TAFA5: variants seen among roughly 807,000 people sequenced by gnomAD.
The protein encoded by TAFA5 is TAFA chemokine like family member 5.
In TAFA5, 6 loss-of-function variants were observed where a neutral mutation model predicts 15.3. That is an observed-to-expected ratio of 0.39 (90% CI 0.21 to 0.77). TAFA5 has a LOEUF of 0.77. Ranked by LOEUF, TAFA5 falls within the 30% of genes least tolerant of loss-of-function variation. TAFA5 has a pLI of 0.41. For missense variants in TAFA5, 161 were observed against 193.1 expected, an observed-to-expected ratio of 0.83 and a Z score of 0.98; for synonymous variants, 103 against 80.7, an observed-to-expected ratio of 1.28 and a Z score of -1.48.
intron 3 of TAFA5, among the ~76,000 whole-genome samples, chr22:48,730,689 T>C (rs1929846321): frequency 6.6e-6 from 1 of 152,190 alleles, no homozygotes; most frequent in African/African-American, 2.4e-5. Flanking sequence ...TGAGGTTTGA[T>C]GTGACTATGG....
chr22:48,615,340 A>T (rs947951153), intron 1 of TAFA5, among the ~76,000 whole-genome samples: 1 of 152,220 alleles, frequency 6.6e-6, no homozygotes, highest in Admixed American at 6.5e-5. Context: ...CTTGTCCCCA[A>T]GCAAAGGGAA....
rs1928866029 is a variant in TAFA5 at position 48,700,355 on chromosome 22, C to T, written c.263-7362C>T. 2.0e-5 allele frequency among the ~76,000 whole-genome samples: 3 copies of T among 152,136 alleles called. No homozygotes were observed. In the South Asian group the frequency reaches 6.2e-4, roughly 31 times the overall value. Reference sequence around the variant, plus strand: ...GTAGGCATCGGCCTTTCCACACACACTAGGCCGTGAGAGCCTGACCTCGCC... The same window carrying T: ...GTAGGCATCGGCCTTTCCACACACATTAGGCCGTGAGAGCCTGACCTCGCC... On this transcript the variant is annotated intron_variant, in intron 2 of 3. Coordinates refer to ENST00000402357, the MANE Select transcript of TAFA5 (RefSeq NM_001082967.3).
At chr22:48,509,022 A>G (rs1404390548) in intron 1 of TAFA5, among the ~76,000 whole-genome samples, 2 of 152,184 alleles carry the variant, frequency 1.3e-5, no homozygotes, top group African/African-American at 2.4e-5. Flanking sequence ...CTATGAGCTC[A>G]GTATTTTTTA....
chr22:48,694,097 C>T (rs544804298), intron 2 of TAFA5, among the ~76,000 whole-genome samples: 1 of 152,310 alleles, frequency 6.6e-6, no homozygotes, highest in East Asian at 1.9e-4. Flanking sequence ...GCTTGTAAGC[C>T]GTGTGACCTT....
chr22:48,702,439 C>T (rs1403774006), intron 2 of TAFA5, among the ~76,000 whole-genome samples: 1 of 152,088 alleles, frequency 6.6e-6, no homozygotes, highest in Non-Finnish European at 1.5e-5. Context: ...CCCTTTCTAT[C>T]CTAGGCAGGG....
At chr22:48,685,781 C>T (rs1928333613) in intron 2 of TAFA5, among the ~76,000 whole-genome samples, 1 of 152,104 alleles carries the variant, frequency 6.6e-6, no homozygotes. Flanking sequence ...TAGAAAACAC[C>T]CCATTCAGAG....
chr22:48,535,456 T>C (rs948868615), intron 1 of TAFA5, among the ~76,000 whole-genome samples: 1 of 152,288 alleles, frequency 6.6e-6, no homozygotes, highest in Non-Finnish European at 1.5e-5. Flanking sequence ...GTACACAGTC[T>C]GTGTTGCTAT....
intron 1 of TAFA5, among the ~76,000 whole-genome samples, chr22:48,507,733 C>T (rs1018992437): frequency 1.8e-4 from 27 of 152,184 alleles, no homozygotes; most frequent in Admixed American, 3.3e-4. Context: ...TCCAGGTGGT[C>T]GACCGGGACT....
intron 2 of TAFA5, among the ~76,000 whole-genome samples, chr22:48,674,671 G>C (rs926928786): frequency 6.9e-6 from 1 of 144,200 alleles, no homozygotes; most frequent in East Asian, 3.2e-4. Context: ...ACAGTGGGAG[G>C]TCCACACCCC....
intron 1 of TAFA5, among the ~76,000 whole-genome samples, chr22:48,575,442 G>C (rs1923737366): frequency 6.8e-6 from 1 of 146,552 alleles, no homozygotes; most frequent in African/African-American, 2.4e-5. Flanking sequence ...GGCCACCTGG[G>C]CCGGCAGCGA....
rs534913232 is a variant in TAFA5 at position 48,490,109 on chromosome 22, C to G, written c.112+405C>G. On this transcript the variant is annotated intron_variant, in intron 1 of 3. Coordinates refer to ENST00000402357, the MANE Select transcript of TAFA5 (RefSeq NM_001082967.3). This position sits in a 1 kb window ranked among gnomAD's most constrained non-coding sequence, Gnocchi z 5.8. The stretch of plus-strand genomic sequence containing the variant: ...CGGGGTGTCTGCGGAGCGCCCTCCC[C>G]GTGCCTCAGCCCGGGACAAGGGGGG... 9.2e-5 allele frequency among the ~76,000 whole-genome samples: 14 copies of G among 152,194 alleles called. No homozygotes were observed. The highest frequency in any genetic ancestry group is 3.4e-4 in the African/African-American group (14 of 41,544).
At chr22:48,657,791 G>A (rs553775984) in intron 2 of TAFA5, among the ~76,000 whole-genome samples, 18 of 152,278 alleles carry the variant, frequency 1.2e-4, no homozygotes, top group Admixed American at 9.8e-4. Flanking sequence ...CCTGGTTGAA[G>A]CAGGTTTTCA....
intron 2 of TAFA5, among the ~76,000 whole-genome samples, chr22:48,677,069 G>A (rs563915505): frequency 7.2e-5 from 11 of 152,252 alleles, no homozygotes; most frequent in Non-Finnish European, 1.5e-4. Flanking sequence ...CCACCCCAGA[G>A]CCACCCATAT....
chr22:48,498,347 C>T (rs1056602118), intron 1 of TAFA5, among the ~76,000 whole-genome samples: 2 of 151,870 alleles, frequency 1.3e-5, no homozygotes, highest in African/African-American at 2.4e-5. Flanking sequence ...GCTGAAGAGG[C>T]AGGGGCTGGA....
At chr22:48,629,146 A>G (rs1601626800) in intron 1 of TAFA5, among the ~76,000 whole-genome samples, 7 of 151,640 alleles carry the variant, frequency 4.6e-5, no homozygotes, top group Admixed American at 4.6e-4. Flanking sequence ...CTCGAGGTGG[A>G]CTCCACTTCA....
chr22:48,589,440 A>G (rs1924479811), intron 1 of TAFA5, among the ~76,000 whole-genome samples: 1 of 150,834 alleles, frequency 6.6e-6, no homozygotes, highest in Admixed American at 6.6e-5. Flanking sequence ...CTGGAAACCC[A>G]GGGTCGGTTG....
At chr22:48,555,365 G>A (rs890250323) in intron 1 of TAFA5, among the ~76,000 whole-genome samples, 3 of 152,170 alleles carry the variant, frequency 2.0e-5, no homozygotes, top group African/African-American at 2.4e-5. Flanking sequence ...CAGAGCAAGC[G>A]GAGCTCAGCC....
chr22:48,618,980 T>C (rs1474111406), intron 1 of TAFA5, among the ~76,000 whole-genome samples: 1 of 151,884 alleles, frequency 6.6e-6, no homozygotes, highest in Admixed American at 6.6e-5. Context: ...ATGTCAGGGG[T>C]TGTTAGAAGC....
At position 48,744,822 on chromosome 22, in the gene TAFA5, C is replaced by T. The variant is rs186529950; in HGVS notation, c.391-5017C>T. On this transcript the variant is annotated intron_variant, in intron 3 of 3. Transcript: ENST00000402357. ...TTGCCCAGGCTGGAGTGCAGTGGCA[C>T]GATCTCGGCTCACTGCAACCTCTGC... is the stretch of plus-strand genomic sequence containing the variant. Among the ~76,000 whole-genome samples the T allele has an allele frequency of 3.0e-3, 458 of 152,162 alleles. 1 individual carries two copies. The highest frequency in any genetic ancestry group is 0.011 in the African/African-American group (440 of 41,468).
Sources: gnomAD v4.1 joint callset for allele counts (sites outside exome capture counted in the v4.1 genomes callset) on GRCh38, gnomAD v4.1.1 for gene constraint, Gnocchi (gnomAD v3.1) non-coding constraint, MANE v1.5 for transcripts, NCBI Gene and HGNC (gene_info 2026-07-23, HGNC 2026-07-21) for gene names.